The following MARCHF1 variants were observed in gnomAD, a reference collection of about 807,000 sequenced individuals.
MARCHF1 encodes membrane associated ring-CH-type finger 1.
A neutral mutation model predicts 54.2 loss-of-function variants in MARCHF1; 40 were observed. The ratio of observed to expected loss-of-function variants is 0.74; its 90% CI spans 0.57 to 0.96. The LOEUF (loss-of-function observed/expected upper bound fraction) is 0.96. Ranked by LOEUF, MARCHF1 falls within the 40% of genes least tolerant of loss-of-function variation. MARCHF1 has a pLI of 0.00. For missense variants in MARCHF1, 586 were observed against 656.5 expected (o/e 0.89, Z 1.17); for synonymous variants, 236 against 236.3 (o/e 1.00, Z 0.01).
At chr4:164,032,873 C>A (rs1395724139) in intron 2 of MARCHF1, among the ~76,000 whole-genome samples, 1 of 152,080 alleles carries the variant, frequency 6.6e-6, no homozygotes, top group Non-Finnish European at 1.5e-5. Context: ...AAGAACAAAG[C>A]TGGAGGCATC....
intron 4 of MARCHF1, among the ~76,000 whole-genome samples, chr4:163,839,731 A>T (rs1358915661): frequency 1.3e-5 from 2 of 152,154 alleles, no homozygotes; most frequent in Non-Finnish European, 2.9e-5. Context: ...AGGGCTGGTG[A>T]GTAACTGCTA....
At chr4:163,536,364 T>A (rs574577836) in intron 9 of MARCHF1, among the ~76,000 whole-genome samples, 1 of 152,304 alleles carries the variant, frequency 6.6e-6, no homozygotes, top group African/African-American at 2.4e-5. Flanking sequence ...CGATCTTTTT[T>A]CTTTCTGTGT....
intron 3 of MARCHF1, among the ~76,000 whole-genome samples, chr4:163,981,822 T>C (rs976984807): frequency 6.6e-6 from 1 of 152,246 alleles, no homozygotes; most frequent in East Asian, 1.9e-4. Flanking sequence ...CATGAAGTTT[T>C]TGTTCAACAA....
intron 4 of MARCHF1, among the ~76,000 whole-genome samples, chr4:163,786,521 T>C (rs950981096): frequency 7.2e-5 from 11 of 151,932 alleles, no homozygotes; most frequent in African/African-American, 2.7e-4. Context: ...TTGGCAGTAA[T>C]AAGACATTAT....
intron 5 of MARCHF1, among the ~76,000 whole-genome samples, chr4:163,617,211 T>C (rs551343259): frequency 5.3e-5 from 8 of 152,074 alleles, no homozygotes; most frequent in African/African-American, 1.9e-4. Flanking sequence ...CTCATGGGAG[T>C]AGAAATTAGA....
chr4:163,635,593 C>T (rs927537844), intron 5 of MARCHF1, among the ~76,000 whole-genome samples: 2 of 148,922 alleles, frequency 1.3e-5, no homozygotes, highest in African/African-American at 5.0e-5. Flanking sequence ...GAAATTGTGG[C>T]AATAATCAAT....
intron 1 of MARCHF1, among the ~76,000 whole-genome samples, chr4:164,222,109 GT>G (rs2111154527): frequency 6.6e-6 from 1 of 152,068 alleles, no homozygotes; most frequent in African/African-American, 2.4e-5. Flanking sequence ...TTTTTTCTAA[GT>G]GCCTTTCAAA....
intron 4 of MARCHF1, among the ~76,000 whole-genome samples, chr4:163,764,713 T>C (rs925858978): frequency 7.9e-5 from 12 of 152,224 alleles, no homozygotes; most frequent in African/African-American, 2.9e-4. Context: ...TAAGGTTAAC[T>C]CTATTAGACG....
intron 4 of MARCHF1, among the ~76,000 whole-genome samples, chr4:163,711,878 A>G (rs114374784): frequency 3.8e-3 from 575 of 152,118 alleles, no homozygotes; most frequent in Admixed American, 8.8e-3. Flanking sequence ...TTCTTTCTAG[A>G]CCCCGATGGA....
chr4:163,952,837 TA>T (rs1752159822), intron 3 of MARCHF1, among the ~76,000 whole-genome samples: 1 of 152,150 alleles, frequency 6.6e-6, no homozygotes. Context: ...AAATTTTTCC[TA>T]GGGACTCAGA....
At chr4:163,926,649 A>G (rs1353444923) in intron 3 of MARCHF1, among the ~76,000 whole-genome samples, 1 of 151,820 alleles carries the variant, frequency 6.6e-6, no homozygotes, top group African/African-American at 2.4e-5. Context: ...TAGAAATATC[A>G]GTAATTTTAA....
intron 4 of MARCHF1, among the ~76,000 whole-genome samples, chr4:163,767,835 A>T (rs1747035226): frequency 6.6e-6 from 1 of 152,222 alleles, no homozygotes; most frequent in Admixed American, 6.5e-5. Flanking sequence ...AAAAAAAGAA[A>T]ATTAAAATAG....
intron 3 of MARCHF1, among the ~76,000 whole-genome samples, chr4:163,961,556 G>A (rs72687933): frequency 6.6e-6 from 1 of 151,646 alleles, no homozygotes; most frequent in Non-Finnish European, 1.5e-5. Context: ...ACCTTTTCAC[G>A]TGCTACCCTT....
chr4:163,944,126 C>A (rs1246703525), intron 3 of MARCHF1, among the ~76,000 whole-genome samples: 4 of 129,982 alleles, frequency 3.1e-5, no homozygotes, highest in African/African-American at 1.1e-4. Flanking sequence ...GTCACTGCAC[C>A]GGGCTAATTT....
rs539374896 is a variant in MARCHF1 at position 164,375,209 on chromosome 4, T to A, written c.-323+8661A>T. Among the ~76,000 whole-genome samples the A allele has an allele frequency of 6.6e-5, 10 of 152,304 alleles. No individual in the cohort carries two copies. The East Asian group carries it at 1.9e-3, about 29-fold the overall frequency. Reference sequence around the variant, plus strand: ...TGTGCTATGCTTCAGTAACATCTAATAGACCTTTGTGTGTTACACTATTAA... The same window carrying A: ...TGTGCTATGCTTCAGTAACATCTAAAAGACCTTTGTGTGTTACACTATTAA... On this transcript the variant is annotated intron_variant, in intron 1 of 9. Transcript: ENST00000514618.
In MARCHF1 at chr4:164,295,447, AAC is replaced by A. The variant is rs5863675; in HGVS notation, c.-323+88421_-323+88422del. Among the ~76,000 whole-genome samples the A allele has an allele frequency of 1.2e-3, 183 of 150,750 alleles. 1 individual carries two copies. The highest frequency in any genetic ancestry group is 0.012 in the East Asian group (61 of 5,062). ...TTCAAAACACACACACATACACACA[AAC>A]ACACACACACACACACACAACATAC... On this transcript the variant is annotated intron_variant, in intron 1 of 9. Transcript: ENST00000514618.
chr4:164,275,457 TG>T (rs79123080), intron 1 of MARCHF1, among the ~76,000 whole-genome samples: 6,388 of 152,214 alleles, frequency 0.042, 171 homozygotes, highest in East Asian at 0.11. Context: ...AATCCTTGAG[TG>T]GGGGAAAGGT....
intron 1 of MARCHF1, among the ~76,000 whole-genome samples, chr4:164,360,497 T>C (rs1730692963): frequency 6.6e-6 from 1 of 152,186 alleles, no homozygotes; most frequent in South Asian, 2.1e-4. Flanking sequence ...ATGGTATGTG[T>C]TCATATTCGA....
chr4:164,333,323 G>A (rs558791549), intron 1 of MARCHF1, among the ~76,000 whole-genome samples: 8 of 152,100 alleles, frequency 5.3e-5, no homozygotes, highest in Non-Finnish European at 1.2e-4. Flanking sequence ...TACAGAAACT[G>A]TTTTTTACAG....
Sources: allele counts gnomAD v4.1 joint callset (sites outside exome capture counted in the v4.1 genomes callset), GRCh38; gene constraint gnomAD v4.1.1; transcripts MANE v1.5; gene names NCBI Gene and HGNC (gene_info 2026-07-23, HGNC 2026-07-21).